Variants in MAGI2 observed in about 807,000 individuals in gnomAD.
The protein encoded by MAGI2 is membrane-associated guanylate kinase, WW and PDZ domain-containing protein 2.
A neutral mutation model predicts 133.3 loss-of-function variants in MAGI2; 35 were observed. The ratio of observed to expected loss-of-function variants is 0.26; its 90% CI spans 0.20 to 0.35. The LOEUF (loss-of-function observed/expected upper bound fraction) is 0.35. Ranked by LOEUF, MAGI2 falls within the 10% of genes least tolerant of loss-of-function variation. The probability of loss-of-function intolerance (pLI) is 1.00; values close to 1 mark genes in which losing one functional copy is unlikely to be tolerated. For missense variants in MAGI2, 1,636 were observed against 1,863.4 expected, an observed-to-expected ratio of 0.88 and a Z score of 2.25; for synonymous variants, 729 against 710.6, an observed-to-expected ratio of 1.03 and a Z score of -0.41.
chr7:78,666,191 A>G (rs1225455832), intron 2 of MAGI2, among the ~76,000 whole-genome samples: 2 of 152,158 alleles, frequency 1.3e-5, no homozygotes, highest in Non-Finnish European at 2.9e-5. Context: ...GAGCTAGACG[A>G]CTTTAAAACT....
intron 1 of MAGI2, among the ~76,000 whole-genome samples, chr7:79,139,195 T>C (rs574368424): frequency 1.3e-5 from 2 of 152,234 alleles, no homozygotes; most frequent in African/African-American, 4.8e-5. Context: ...TCTGTGCTCT[T>C]TTGTTATGGC....
At chr7:78,385,234 T>C (rs988499214) in intron 6 of MAGI2, among the ~76,000 whole-genome samples, 11 of 152,166 alleles carry the variant, frequency 7.2e-5, no homozygotes, top group African/African-American at 2.7e-4. Flanking sequence ...GTCAACGTGA[T>C]TTGGGTGGAA....
intron 4 of MAGI2, among the ~76,000 whole-genome samples, chr7:78,506,287 A>G (rs1186774627): frequency 6.6e-6 from 1 of 152,114 alleles, no homozygotes; most frequent in African/African-American, 2.4e-5. Flanking sequence ...GAGGAGTAGG[A>G]TTCTGTGGGG....
chr7:79,105,961 A>T (rs1175122472), intron 1 of MAGI2, among the ~76,000 whole-genome samples: 1 of 152,188 alleles, frequency 6.6e-6, no homozygotes, highest in Non-Finnish European at 1.5e-5. Flanking sequence ...AAAATTTACA[A>T]GAAGGAAAAC....
intron 1 of MAGI2, among the ~76,000 whole-genome samples, chr7:79,049,667 G>C (rs1180779115): frequency 6.6e-6 from 1 of 150,658 alleles, no homozygotes; most frequent in Non-Finnish European, 1.5e-5. Context: ...TTCTAAAATC[G>C]GCCTTGTTAT....
At chr7:78,658,596 A>G (rs1240455222) in intron 2 of MAGI2, among the ~76,000 whole-genome samples, 2 of 152,224 alleles carry the variant, frequency 1.3e-5, no homozygotes, top group Non-Finnish European at 2.9e-5. Context: ...ACTTTTATCT[A>G]GAAAAATAAA....
At chr7:79,445,011 C>T (rs1416571423) in intron 1 of MAGI2, among the ~76,000 whole-genome samples, 4 of 152,124 alleles carry the variant, frequency 2.6e-5, no homozygotes, top group Admixed American at 1.3e-4. Context: ...AATAATGCCG[C>T]ATATCTACAA....
chr7:79,044,261 C>A (rs1811965753), intron 1 of MAGI2, among the ~76,000 whole-genome samples: 1 of 152,126 alleles, frequency 6.6e-6, no homozygotes, highest in Non-Finnish European at 1.5e-5. Flanking sequence ...TCCTGGGATG[C>A]AAGGTTGGTT....
intron 3 of MAGI2, among the ~76,000 whole-genome samples, chr7:78,546,736 A>T (rs1008944155): frequency 2.6e-5 from 4 of 152,066 alleles, no homozygotes; most frequent in African/African-American, 9.7e-5. Context: ...TTAGGAGTAT[A>T]ACCTATGGAC....
intron 1 of MAGI2, among the ~76,000 whole-genome samples, chr7:79,417,117 T>G (rs778700885): frequency 4.2e-4 from 64 of 152,262 alleles, no homozygotes; most frequent in Non-Finnish European, 6.9e-4. Flanking sequence ...CCTATATGTT[T>G]TATTTATCTA....
intron 9 of MAGI2, among the ~76,000 whole-genome samples, chr7:78,327,177 CTT>C (rs1788671727): frequency 6.6e-6 from 1 of 152,202 alleles, no homozygotes; most frequent in African/African-American, 2.4e-5. Flanking sequence ...AGGCAGCTCT[CTT>C]GAGTGGAGGG....
At chr7:78,318,734 C>T (rs1259372400) in intron 9 of MAGI2, among the ~76,000 whole-genome samples, 2 of 152,144 alleles carry the variant, frequency 1.3e-5, no homozygotes, top group South Asian at 4.1e-4. Context: ...GGTCAGGTTA[C>T]CCACAAAAGG....
chr7:79,290,074 C>A lies in MAGI2; in HGVS notation c.301+162946G>T, dbSNP rs570271121. Among the ~76,000 whole-genome samples, 68 of 152,098 alleles carry A rather than the reference C, an allele frequency of 4.5e-4. 1 individual carries two copies. In the South Asian group the frequency reaches 0.013, roughly 30 times the overall value. ...TATATGCCCAGCCTCCAACTCAACT[C>A]TACCATTTTAAAAATCACATATTAA... On this transcript the variant is annotated intron_variant, in intron 1 of 21. Transcript: ENST00000354212.
At chr7:79,252,994 C>T (rs907809066) in intron 1 of MAGI2, among the ~76,000 whole-genome samples, 100 of 152,166 alleles carry the variant, frequency 6.6e-4, no homozygotes, top group Non-Finnish European at 4.7e-4. Context: ...ACTGACATAT[C>T]TAAAAGCACT....
intron 1 of MAGI2, among the ~76,000 whole-genome samples, chr7:79,333,430 T>C (rs1840225886): frequency 6.6e-6 from 1 of 152,110 alleles, no homozygotes; most frequent in Non-Finnish European, 1.5e-5. Flanking sequence ...CCGGCCTCAT[T>C]TTTTTCAATA....
chr7:78,037,812 G>A (rs1378035746), intron 21 of MAGI2, among the ~76,000 whole-genome samples: 1 of 152,206 alleles, frequency 6.6e-6, no homozygotes, highest in Admixed American at 6.5e-5. Context: ...AAAGATCTCA[G>A]AGCTGAGGGG....
intron 1 of MAGI2, chr7:79,125,259 G>A (rs559347027): frequency 1.0e-4 from 46 of 447,564 alleles, no homozygotes; most frequent in African/African-American, 8.9e-4. Context: ...CTACAACTGT[G>A]AAGTAAGGAA....
chr7:79,157,190 G>A (rs899857999), intron 1 of MAGI2, among the ~76,000 whole-genome samples: 2 of 152,066 alleles, frequency 1.3e-5, no homozygotes, highest in Non-Finnish European at 2.9e-5. Context: ...GTAAATAAGA[G>A]ACTAAGTTTC....
intron 1 of MAGI2, among the ~76,000 whole-genome samples, chr7:79,198,198 T>A (rs1828261137): frequency 6.6e-6 from 1 of 151,900 alleles, no homozygotes; most frequent in South Asian, 2.1e-4. Context: ...GGGTGCAATG[T>A]GCCATGATCA....
Sources: allele counts gnomAD v4.1 joint callset (sites outside exome capture counted in the v4.1 genomes callset), GRCh38; gene constraint gnomAD v4.1.1; transcripts MANE v1.5; gene names NCBI Gene and HGNC (gene_info 2026-07-23, HGNC 2026-07-21).